MYO5B: variants seen among roughly 807,000 people sequenced by gnomAD.
MYO5B encodes myosin VB, also known as unconventional myosin-Vb.
A neutral mutation model predicts 229.3 loss-of-function variants in MYO5B; 143 were observed. The observed-to-expected ratio is 0.62, with a 90% confidence interval of 0.54 to 0.72. The LOEUF (loss-of-function observed/expected upper bound fraction) is 0.72, where lower values mean the gene tolerates loss of function less well. MYO5B is among the 30% of genes least tolerant of loss of function. The probability of loss-of-function intolerance (pLI) is 0.00; values close to 1 mark genes in which losing one functional copy is unlikely to be tolerated. For synonymous variants in MYO5B, 918 were observed against 885.2 expected (o/e 1.04, Z -0.66); for missense variants, 2,321 against 2,331.0 (o/e 1.00, Z 0.09).
intron 6 of MYO5B, among the ~76,000 whole-genome samples, chr18:49,990,750 T>C (rs970440490): frequency 1.3e-5 from 2 of 152,224 alleles, no homozygotes; most frequent in African/African-American, 4.8e-5. Flanking sequence ...TGCAAAAGCA[T>C]GTATGTATTT....
chr18:49,916,760 G>A (rs958175404), intron 17 of MYO5B, among the ~76,000 whole-genome samples: 2 of 152,068 alleles, frequency 1.3e-5, no homozygotes, highest in Admixed American at 1.3e-4. Context: ...CTGGGAAAAG[G>A]GCTGTAAAGA....
At chr18:49,967,636 G>A (rs1183970014) in intron 10 of MYO5B, among the ~76,000 whole-genome samples, 7 of 152,172 alleles carry the variant, frequency 4.6e-5, no homozygotes, top group Non-Finnish European at 1.0e-4. Flanking sequence ...TTTAAAAGCA[G>A]GGCCATCATG....
chr18:49,890,118 G>A (rs2024692020), intron 22 of MYO5B, among the ~76,000 whole-genome samples: 1 of 152,178 alleles, frequency 6.6e-6, no homozygotes, highest in Admixed American at 6.5e-5. Flanking sequence ...AGGTGGGTGA[G>A]AGAATGCTTC....
intron 12 of MYO5B, among the ~76,000 whole-genome samples, chr18:49,957,933 C>G (rs3901040): frequency 0.16 from 24,759 of 152,060 alleles, 2,321 homozygotes; most frequent in Non-Finnish European, 0.22. Context: ...CCAGCTGGCC[C>G]CCCCCAGGAC....
chr18:50,116,510 G>C (rs779071072), intron 1 of MYO5B, among the ~76,000 whole-genome samples: 1 of 152,040 alleles, frequency 6.6e-6, no homozygotes, highest in African/African-American at 2.4e-5. Context: ...GCAAGAGACA[G>C]CTTCAGATTT....
chr18:50,178,869 C>T (rs760619016), intron 1 of MYO5B, among the ~76,000 whole-genome samples: 1 of 152,052 alleles, frequency 6.6e-6, no homozygotes, highest in Non-Finnish European at 1.5e-5. Flanking sequence ...TTTCACACTG[C>T]CAGTCAGATT....
At chr18:49,882,652 A>C (rs1282115969) in intron 22 of MYO5B, among the ~76,000 whole-genome samples, 1 of 148,584 alleles carries the variant, frequency 6.7e-6, no homozygotes, top group Non-Finnish European at 1.5e-5. Context: ...GAAAGAGGAA[A>C]CCCACTTCAC....
At chr18:50,078,292 C>T (rs1231766765) in intron 1 of MYO5B, among the ~76,000 whole-genome samples, 1 of 152,180 alleles carries the variant, frequency 6.6e-6, no homozygotes, top group African/African-American at 2.4e-5. Flanking sequence ...GCCTTTCGAT[C>T]ATGCTTGATT....
chr18:49,953,586 G>A (rs1402341772), intron 13 of MYO5B, among the ~76,000 whole-genome samples: 2 of 152,116 alleles, frequency 1.3e-5, no homozygotes, highest in Non-Finnish European at 2.9e-5. Flanking sequence ...TTTCTTCAGG[G>A]ATCTATAAAT....
At chr18:49,938,285 G>A (rs1020486498) in intron 14 of MYO5B, among the ~76,000 whole-genome samples, 15 of 152,140 alleles carry the variant, frequency 9.9e-5, no homozygotes, top group African/African-American at 3.4e-4. Context: ...TCTGTAACAA[G>A]GTGAAGATGC....
intron 1 of MYO5B, among the ~76,000 whole-genome samples, chr18:50,108,864 G>A (rs1471545926): frequency 2.6e-5 from 4 of 152,192 alleles, no homozygotes; most frequent in Admixed American, 2.6e-4. Context: ...TATATGTGCT[G>A]CTTCCATTAT....
chr18:50,076,529 A>T lies in MYO5B; in HGVS notation c.28-21151T>A, dbSNP rs78197557. Among the ~76,000 whole-genome samples, 3 of 152,304 alleles carry T rather than the reference A, an allele frequency of 2.0e-5. No individual in the cohort carries two copies. The East Asian group carries it at 5.8e-4, about 29-fold the overall frequency. On this transcript the variant is annotated intron_variant, in intron 1 of 39. Transcript: ENST00000285039. ...CAGAGCACGGAATATGTCAGGACAC[A>T]CCGGCATCCATTCCTGTCCTTCCTG...
intron 3 of MYO5B, among the ~76,000 whole-genome samples, chr18:50,038,441 A>G (rs2029903459): frequency 6.6e-6 from 1 of 152,244 alleles, no homozygotes; most frequent in South Asian, 2.1e-4. Context: ...TTTGCCTGAA[A>G]AGACCAAAAT....
intron 18 of MYO5B, among the ~76,000 whole-genome samples, chr18:49,910,244 C>T (rs753175979): frequency 1.3e-5 from 2 of 152,026 alleles, no homozygotes; most frequent in Admixed American, 6.6e-5. Context: ...GTGTGGGGGC[C>T]GACTCAGCCA....
chr18:50,037,468 T>G (rs529283779), intron 3 of MYO5B, among the ~76,000 whole-genome samples: 27 of 152,246 alleles, frequency 1.8e-4, no homozygotes, highest in Non-Finnish European at 3.8e-4. Context: ...TTTACATATC[T>G]TGAGATCTAA....
intron 17 of MYO5B, among the ~76,000 whole-genome samples, chr18:49,925,871 C>G (rs1046868999): frequency 6.6e-6 from 1 of 152,222 alleles, no homozygotes; most frequent in Admixed American, 6.5e-5. Flanking sequence ...GAACTCAAAA[C>G]TGAACTACTG....
chr18:50,003,614 C>T (rs936444410), intron 4 of MYO5B, among the ~76,000 whole-genome samples: 2 of 152,208 alleles, frequency 1.3e-5, no homozygotes, highest in African/African-American at 4.8e-5. Flanking sequence ...CAACTAAGAA[C>T]ATCACAAGTT....
chr18:50,158,939 C>G (rs925901916), intron 1 of MYO5B, among the ~76,000 whole-genome samples: 2 of 152,194 alleles, frequency 1.3e-5, no homozygotes, highest in African/African-American at 4.8e-5. Flanking sequence ...CTACCCTACA[C>G]CACGATGTTT....
intron 4 of MYO5B, among the ~76,000 whole-genome samples, chr18:50,036,180 A>G (rs1484893541): frequency 6.6e-6 from 1 of 152,176 alleles, no homozygotes; most frequent in Non-Finnish European, 1.5e-5. Flanking sequence ...TGAGACCTGC[A>G]TTTCCCCCAA....
Sources: gnomAD v4.1 joint callset for allele counts (sites outside exome capture counted in the v4.1 genomes callset) on GRCh38, gnomAD v4.1.1 for gene constraint, MANE v1.5 for transcripts, NCBI Gene and HGNC (gene_info 2026-07-23, HGNC 2026-07-21) for gene names.